Variants in TF observed in about 807,000 individuals in gnomAD.
TF encodes the protein transferrin.
In TF, 55 loss-of-function variants were observed where a neutral mutation model predicts 82.4. The observed-to-expected ratio is 0.67, with a 90% confidence interval of 0.54 to 0.84. The LOEUF (loss-of-function observed/expected upper bound fraction) is 0.84, where lower values mean the gene tolerates loss of function less well. TF is among the 40% of genes least tolerant of loss of function. TF has a pLI of 0.00. For synonymous variants in TF, 332 were observed against 332.6 expected (o/e 1.00, Z 0.02); for missense variants, 737 against 868.4 (o/e 0.85, Z 1.90).
the TF span, among the ~76,000 whole-genome samples, chr3:133,708,780 T>A: frequency 3.4e-4 from 52 of 151,416 alleles, 2 homozygotes; most frequent in African/African-American, 1.1e-3. Flanking sequence ...GTTTTTTTTT[T>A]TTTCCGAAAG....
intron 15 of TF, 99 bp from the exon 16 acceptor site, chr3:133,776,950 T>A (rs749941474): frequency 2.9e-5 from 32 of 1,117,060 alleles, no homozygotes; most frequent in Non-Finnish European, 4.0e-5. Flanking sequence ...CTTCCCTTTT[T>A]CCCCAGGGCT....
chr3:133,703,862 G>T, the TF span, among the ~76,000 whole-genome samples: 4 of 152,202 alleles, frequency 2.6e-5, no homozygotes, highest in Non-Finnish European at 5.9e-5. Flanking sequence ...TTATCTGGAA[G>T]AAACATATCC....
At chr3:133,758,691 C>G (rs1321248364) in intron 8 of TF, among the ~76,000 whole-genome samples, 1 of 152,180 alleles carries the variant, frequency 6.6e-6, no homozygotes, top group African/African-American at 2.4e-5. Context: ...TGAGCTCAGT[C>G]TGAAAGATGA....
At position 133,782,818 on chromosome 3, in the gene TF, AC is replaced by A. The variant is rs1559882114; in HGVS notation, c.*4202del. 6.6e-6 allele frequency: 1 copy of A among 151,130 alleles called. No individual in the cohort carries two copies. The highest frequency in any genetic ancestry group is 2.4e-5 in the African/African-American group (1 of 40,966). 9.4% of individuals were successfully genotyped at this position (151,130 alleles called of 1,614,324 possible). On this transcript the variant is annotated 3_prime_UTR_variant, in exon 17 of 17. Coordinates refer to ENST00000402696, the MANE Select transcript of TF (RefSeq NM_001063.4). Reference sequence around the variant, plus strand: ...AAAAAAAAAAAAAAAAACAAAAAAAACCCCAAAAAACCAAAACAACAACAAA... The same window carrying A: ...AAAAAAAAAAAAAAAAACAAAAAAAACCCAAAAAACCAAAACAACAACAAA...
chr3:133,688,017 C>T, the TF span, among the ~76,000 whole-genome samples: 1 of 151,836 alleles, frequency 6.6e-6, no homozygotes, highest in African/African-American at 2.4e-5. Context: ...GCTTTTTTAG[C>T]TGAGGGGTGG....
At chr3:133,665,844 A>T in the TF span, among the ~76,000 whole-genome samples, 3 of 150,710 alleles carry the variant, frequency 2.0e-5, no homozygotes, top group Admixed American at 6.6e-5. Context: ...ATGAGATAGG[A>T]GAATTGCTTG....
the TF span, among the ~76,000 whole-genome samples, chr3:133,703,026 C>A: frequency 6.6e-6 from 1 of 152,154 alleles, no homozygotes; most frequent in Admixed American, 6.5e-5. Context: ...ATGAAACACT[C>A]ATTTAAATAA....
chr3:133,778,708 T>A lies in TF; in HGVS notation c.*88T>A. On this transcript the variant is annotated 3_prime_UTR_variant, in exon 17 of 17. Transcript: ENST00000402696. ...CCTGGTTTCACTGGCCCAAGTGGTT[T>A]GTGCTAACCACGTCTGTCTTCACAG... The A allele has an allele frequency of 2.9e-6, 4 of 1,400,964 alleles. No homozygotes were observed. The highest frequency in any genetic ancestry group is 4.0e-6 in the Non-Finnish European group (4 of 994,734). 86.8% of individuals were successfully genotyped at this position (1,400,964 alleles called of 1,614,324 possible). A position where few individuals can be genotyped will look rare whatever the true frequency, so the allele number is the denominator to read the frequency against.
At chr3:133,698,856 G>A in the TF span, among the ~76,000 whole-genome samples, 2 of 152,328 alleles carry the variant, frequency 1.3e-5, no homozygotes, top group East Asian at 3.9e-4. Flanking sequence ...GGGTCTTTCT[G>A]GTTCATCTTT....
the TF span, among the ~76,000 whole-genome samples, chr3:133,705,057 G>T: frequency 1.3e-5 from 2 of 152,066 alleles, no homozygotes; most frequent in Non-Finnish European, 2.9e-5. Flanking sequence ...GGTGGATCAC[G>T]TGAGGTCAGG....
the TF span, among the ~76,000 whole-genome samples, chr3:133,723,168 G>C: frequency 6.6e-6 from 1 of 151,840 alleles, no homozygotes; most frequent in South Asian, 2.1e-4. Flanking sequence ...AATTCCCTTA[G>C]ATGTGACTTG....
At position 133,756,840 on chromosome 3, in the gene TF, C is replaced by A. The variant is rs774362940; in HGVS notation, c.701C>A (p.Ala234Glu). ...VKHSTIFENL[A>E]NKADRDQYEL... is the part of the protein sequence containing the mutation. ...GGCTTTCCCTCCCCAGAGAACTTGGCAAACAAGGCTGACAGGGACCAGTAT... is the reference window on the plus strand; with the variant it reads ...GGCTTTCCCTCCCCAGAGAACTTGGAAAACAAGGCTGACAGGGACCAGTAT... The change falls in exon 7 of 17, where the codon GCA (alanine) becomes GAA (glutamate). Residue 234 changes from alanine (A) to glutamate (E), a missense_variant. By Grantham distance (107) the Ala-to-Glu change is moderately radical. Transcript: ENST00000402696. The A allele has an allele frequency of 6.2e-7, 1 of 1,614,200 alleles. No individual in the cohort carries two copies. The highest frequency in any genetic ancestry group is 2.2e-5 in the East Asian group (1 of 44,884).
intron 2 of TF, among the ~76,000 whole-genome samples, chr3:133,753,079 G>A (rs749719887): frequency 2.6e-5 from 4 of 152,170 alleles, no homozygotes; most frequent in Non-Finnish European, 5.9e-5. Flanking sequence ...CTCCACAGAA[G>A]CACCTGAGGA....
chr3:133,752,933 C>G (rs1048815563), intron 2 of TF, among the ~76,000 whole-genome samples: 1 of 152,142 alleles, frequency 6.6e-6, no homozygotes, highest in African/African-American at 2.4e-5. Flanking sequence ...AAGCTAAACC[C>G]AGAGAAAGTG....
intron 13 of TF, among the ~76,000 whole-genome samples, 164 bp from the exon 14 acceptor site, chr3:133,770,344 T>C (rs1022370926): frequency 6.6e-6 from 1 of 152,206 alleles, no homozygotes; most frequent in African/African-American, 2.4e-5. Context: ...ATTCAGAGTG[T>C]TTTGTTTTTG....
At position 133,778,681 on chromosome 3, in the gene TF, G is replaced by C; in HGVS notation, c.*61G>C. 6.3e-7 allele frequency: 1 copy of C among 1,596,474 alleles called. No individual in the cohort carries two copies. Among genetic ancestry groups the C allele is most frequent in the Non-Finnish European group, 8.6e-7 (1 of 1,167,122 alleles). On this transcript the variant is annotated 3_prime_UTR_variant, in exon 17 of 17. Coordinates refer to ENST00000402696, the MANE Select transcript of TF (RefSeq NM_001063.4). ...GGGAACGCAGATGATCCATGAGTTT[G>C]CCCTGGTTTCACTGGCCCAAGTGGT...
At chr3:133,670,566 T>C in the TF span, among the ~76,000 whole-genome samples, 7 of 152,230 alleles carry the variant, frequency 4.6e-5, no homozygotes, top group African/African-American at 1.7e-4. Context: ...GTGTTAGTTT[T>C]AGGTGAATAA....
rs1349934350 is a variant in TF at position 133,792,316 on chromosome 3, G to A, written c.*13696G>A. On this transcript the variant is annotated 3_prime_UTR_variant, in exon 17 of 17. Coordinates refer to ENST00000402696, the MANE Select transcript of TF (RefSeq NM_001063.4). ...AGGACAAGTTAGAAAGTCAAAGCAT[G>A]TCGTAGATGGTCTGTGTAAGTCATG... 1 of 152,220 alleles carries A rather than the reference G, an allele frequency of 6.6e-6. No individual in the cohort carries two copies. Among genetic ancestry groups the A allele is most frequent in the African/African-American group, 2.4e-5 (1 of 41,456 alleles). 9.4% of individuals were successfully genotyped at this position (152,220 alleles called of 1,614,324 possible). A position where few individuals can be genotyped will look rare whatever the true frequency, so the allele number is the denominator to read the frequency against.
rs368775348 is a variant in TF at position 133,764,152 on chromosome 3, C to T, written c.1204-30C>T. 2.5e-6 allele frequency: 4 copies of T among 1,595,434 alleles called. No individual in the cohort carries two copies. The Admixed American group carries it at 5.0e-5, about 20-fold the overall frequency. ...GGTGGCACAGGAAACAGCCTCTTTT[C>T]ATCTGCTGTGATTTGCTGTGTCTTT... On this transcript the variant is annotated intron_variant, in intron 9 of 16. Coordinates refer to ENST00000402696, the MANE Select transcript of TF (RefSeq NM_001063.4).
Sources: gnomAD v4.1 joint callset for allele counts (sites outside exome capture counted in the v4.1 genomes callset) on GRCh38, gnomAD v4.1.1 for gene constraint, MANE v1.5 for transcripts, NCBI Gene and HGNC (gene_info 2026-07-23, HGNC 2026-07-21) for gene names.